ROR2: variants seen among roughly 807,000 people sequenced by gnomAD.
ROR2 encodes tyrosine-protein kinase transmembrane receptor ROR2.
A neutral mutation model predicts 74.9 loss-of-function variants in ROR2; 33 were observed. That is an observed-to-expected ratio of 0.44 (90% CI 0.33 to 0.59). The LOEUF (loss-of-function observed/expected upper bound fraction) is 0.59, where lower values mean the gene tolerates loss of function less well. Ranked by LOEUF, ROR2 falls within the 20% of genes least tolerant of loss-of-function variation. The pLI is 0.02. For missense variants in ROR2, 1,216 were observed against 1,313.8 expected, an observed-to-expected ratio of 0.93 and a Z score of 1.15; for synonymous variants, 586 against 558.7, an observed-to-expected ratio of 1.05 and a Z score of -0.69.
intron 1 of ROR2, among the ~76,000 whole-genome samples, chr9:91,854,959 A>G (rs1157207652): frequency 6.6e-6 from 1 of 152,240 alleles, no homozygotes; most frequent in Non-Finnish European, 1.5e-5. Context: ...ATATGCCTCC[A>G]ATATTTTAGT....
intron 1 of ROR2, among the ~76,000 whole-genome samples, chr9:91,902,577 AC>A (rs1830702501): frequency 6.6e-6 from 1 of 152,058 alleles, no homozygotes; most frequent in South Asian, 2.1e-4. Context: ...TCCTTGGGCG[AC>A]CCTGCCCCCA....
At chr9:91,820,564 C>T (rs1236304649) in intron 1 of ROR2, among the ~76,000 whole-genome samples, 2 of 152,094 alleles carry the variant, frequency 1.3e-5, no homozygotes, top group African/African-American at 4.8e-5. Flanking sequence ...ACGCTGGCTC[C>T]CTCCCTCCCC....
intron 1 of ROR2, among the ~76,000 whole-genome samples, chr9:91,893,734 A>G (rs10512219): frequency 0.2 from 29,921 of 151,986 alleles, 3,428 homozygotes; most frequent in African/African-American, 0.31. Flanking sequence ...TTCAAACTGT[A>G]TCCCGCCACT....
chr9:91,886,707 G>GA (rs1830284805), intron 1 of ROR2: 1 of 152,322 alleles, frequency 6.6e-6, no homozygotes. Context: ...TTCTCCTGAA[G>GA]AAAATCAGGT....
intron 1 of ROR2, among the ~76,000 whole-genome samples, chr9:91,880,572 T>C (rs546317391): frequency 6.6e-6 from 1 of 152,310 alleles, no homozygotes; most frequent in South Asian, 2.1e-4. Flanking sequence ...TGCTGATTCA[T>C]TTGAAAGGGA....
chr9:91,723,340 C>T lies in ROR2; in HGVS notation c.*322G>A. 1 of 344,384 alleles carries T rather than the reference C, an allele frequency of 2.9e-6. No homozygotes were observed. The highest frequency in any genetic ancestry group is 5.4e-6 in the Non-Finnish European group (1 of 186,886). 21.3% of individuals were successfully genotyped at this position (344,384 alleles called of 1,614,324 possible). A position where few individuals can be genotyped will look rare whatever the true frequency, so the allele number is the denominator to read the frequency against. Reference sequence around the variant, plus strand: ...ATATGACATGGAGTGAAGCTGCCACCTATTTTCTTGAAAGGCATTTGCTGC... The same window carrying T: ...ATATGACATGGAGTGAAGCTGCCACTTATTTTCTTGAAAGGCATTTGCTGC... On this transcript the variant is annotated 3_prime_UTR_variant, in exon 9 of 9. Coordinates refer to ENST00000375708, the MANE Select transcript of ROR2 (RefSeq NM_004560.4).
intron 1 of ROR2, among the ~76,000 whole-genome samples, chr9:91,846,337 T>C (rs189085915): frequency 1.6e-3 from 243 of 152,266 alleles, no homozygotes; most frequent in Admixed American, 2.6e-3. Flanking sequence ...TTCAATATAG[T>C]TGGCATCCTA....
chr9:91,761,203 A>G (rs941178932), intron 2 of ROR2, among the ~76,000 whole-genome samples: 5 of 152,136 alleles, frequency 3.3e-5, no homozygotes, highest in African/African-American at 1.2e-4. Context: ...AACCAACCCA[A>G]CAGTCCCATA....
At position 91,775,735 on chromosome 9, in the gene ROR2, G is replaced by C; in HGVS notation, c.175+6C>G. 2 of 1,613,650 alleles carry C rather than the reference G, an allele frequency of 1.2e-6. No homozygotes were observed. Among genetic ancestry groups the C allele is most frequent in the African/African-American group, 1.3e-5 (1 of 75,050 alleles). The stretch of plus-strand genomic sequence containing the variant: ...ACATGGAGAGCACCTGCATGTCCCA[G>C]CTCACCTTTCAGAGTTGGAATCGGG... On this transcript the variant is annotated splice_donor_region_variant and intron_variant, in intron 2 of 8. Transcript: ENST00000375708.
intron 1 of ROR2, among the ~76,000 whole-genome samples, chr9:91,780,759 C>G (rs1826592673): frequency 6.6e-6 from 1 of 152,148 alleles, no homozygotes; most frequent in South Asian, 2.1e-4. Context: ...CCATTGCACT[C>G]CAGCCTGGGT....
intron 4 of ROR2, among the ~76,000 whole-genome samples, chr9:91,742,753 G>A (rs563200557): frequency 2.0e-5 from 3 of 152,172 alleles, no homozygotes; most frequent in African/African-American, 4.8e-5. Flanking sequence ...CTACAGTAGT[G>A]TACAGTAATG....
intron 1 of ROR2, among the ~76,000 whole-genome samples, chr9:91,800,787 G>T (rs144779991): frequency 6.6e-6 from 1 of 152,216 alleles, no homozygotes; most frequent in Non-Finnish European, 1.5e-5. Context: ...TCACAGCCAC[G>T]CTTCCAAAGA....
intron 1 of ROR2, among the ~76,000 whole-genome samples, chr9:91,907,821 CAAG>C (rs1284825151): frequency 6.6e-6 from 1 of 152,228 alleles, no homozygotes; most frequent in Non-Finnish European, 1.5e-5. Flanking sequence ...TCCTGCCTCA[CAAG>C]GTCTTCAGGT....
At chr9:91,803,390 A>G (rs1827451603) in intron 1 of ROR2, among the ~76,000 whole-genome samples, 2 of 152,236 alleles carry the variant, frequency 1.3e-5, no homozygotes, top group South Asian at 4.1e-4. Context: ...GGAGGCTGCC[A>G]GAGGCTGGAG....
chr9:91,811,834 C>G (rs946388177), intron 1 of ROR2, among the ~76,000 whole-genome samples: 4 of 152,172 alleles, frequency 2.6e-5, no homozygotes, highest in African/African-American at 9.7e-5. Flanking sequence ...ATCTGTGTGT[C>G]TTTCTATTCC....
intron 1 of ROR2, among the ~76,000 whole-genome samples, chr9:91,902,345 T>C (rs1830696575): frequency 6.6e-6 from 1 of 152,156 alleles, no homozygotes; most frequent in African/African-American, 2.4e-5. Context: ...TCAGGGTCTT[T>C]TCCCTTCTTT....
At chr9:91,893,629 T>C (rs1301966133) in intron 1 of ROR2, among the ~76,000 whole-genome samples, 3 of 152,164 alleles carry the variant, frequency 2.0e-5, no homozygotes, top group Non-Finnish European at 4.4e-5. Flanking sequence ...CTTTGGGAGT[T>C]TGCATCTCAG....
intron 1 of ROR2, among the ~76,000 whole-genome samples, chr9:91,777,408 C>T (rs560151734): frequency 9.3e-5 from 14 of 151,094 alleles, no homozygotes; most frequent in African/African-American, 3.2e-4. Flanking sequence ...CACACACACA[C>T]CCCATCATCA....
At chr9:91,776,995 C>G (rs549211448) in intron 1 of ROR2, among the ~76,000 whole-genome samples, 7 of 152,242 alleles carry the variant, frequency 4.6e-5, no homozygotes, top group African/African-American at 1.7e-4. Flanking sequence ...GGCATTTTCA[C>G]GTGTGGAAAT....
Sources: gnomAD v4.1 joint callset for allele counts (sites outside exome capture counted in the v4.1 genomes callset) on GRCh38, gnomAD v4.1.1 for gene constraint, MANE v1.5 for transcripts, NCBI Gene and HGNC (gene_info 2026-07-23, HGNC 2026-07-21) for gene names.